SUPT6H: variants seen among roughly 807,000 people sequenced by gnomAD.
The protein encoded by SUPT6H is transcription elongation factor SPT6.
In SUPT6H, 11 loss-of-function variants were observed where a neutral mutation model predicts 222.3. The observed-to-expected ratio is 0.05, with a 90% CI of 0.03 to 0.08. The LOEUF (loss-of-function observed/expected upper bound fraction) is 0.08, where lower values mean the gene tolerates loss of function less well. SUPT6H is among the 10% of genes least tolerant of loss of function. The pLI is 1.00. For missense variants in SUPT6H, 1,422 were observed against 2,216.0 expected (o/e 0.64, Z 7.19); for synonymous variants, 762 against 801.2 (o/e 0.95, Z 0.83).
In SUPT6H at chr17:28,678,904, T is replaced by C; in HGVS notation, c.1290T>C (p.Ala430=). 1.2e-6 allele frequency: 2 copies of C among 1,614,230 alleles called. No individual in the cohort carries two copies. The highest frequency in any genetic ancestry group is 8.5e-7 in the Non-Finnish European group (1 of 1,180,040). The change falls in exon 11 of 37, where the codon GCT becomes GCC. Residue 430 remains alanine (A), a synonymous_variant. Transcript: ENST00000314616. ...MQAYQYEQIS[A]DPDKPLADGI... is the part of the protein sequence containing the mutation. ...CTTATCAGTATGAACAGATCTCTGC[T>C]GACCCTGACAAACCTCTTGCTGATG...
In SUPT6H at chr17:28,667,394, AGT is replaced by A. The variant is rs1276806457; in HGVS notation, c.-32+5063_-32+5064del. The stretch of plus-strand genomic sequence containing the variant: ...TCAAAAAAAAAAAAAAAAAAAAAAA[AGT>A]GTGTGTGTGTATATATATATATATA... On this transcript the variant is annotated intron_variant, in intron 1 of 36. Coordinates refer to ENST00000314616, the MANE Select transcript of SUPT6H (RefSeq NM_003170.5). Among the ~76,000 whole-genome samples the A allele has an allele frequency of 2.8e-3, 169 of 59,304 alleles. 2 individuals are homozygous for A. The highest frequency in any genetic ancestry group is 0.013 in the Middle Eastern group (1 of 78). 38.9% of individuals were successfully genotyped at this position (59,304 alleles called of 152,430 possible). A position where few individuals can be genotyped will look rare whatever the true frequency, so the allele number is the denominator to read the frequency against.
rs546860900 is a variant in SUPT6H at position 28,679,680 on chromosome 17, G to A, written c.1349+717G>A. ...CAGGCATGAGCCACTGCGCCCGGCC[G>A]ATCCTGTCTCATAAGAAAAAGGGGG... is the stretch of plus-strand genomic sequence containing the variant. On this transcript the variant is annotated intron_variant, in intron 11 of 36. Coordinates refer to ENST00000314616, the MANE Select transcript of SUPT6H (RefSeq NM_003170.5). Among the ~76,000 whole-genome samples the A allele has an allele frequency of 9.2e-5, 14 of 151,592 alleles. No homozygotes were observed. The South Asian group carries it at 2.5e-3, about 27-fold the overall frequency.
At chr17:28,667,079 C>A (rs1296605422) in intron 1 of SUPT6H, among the ~76,000 whole-genome samples, 2 of 151,604 alleles carry the variant, frequency 1.3e-5, no homozygotes, top group African/African-American at 4.8e-5. Context: ...TAGTCCTAGT[C>A]CCTTGCCCAT....
intron 27 of SUPT6H, among the ~76,000 whole-genome samples, chr17:28,692,344 G>GGGGCCA (rs2031702796): frequency 7.1e-6 from 1 of 141,198 alleles, no homozygotes; most frequent in Admixed American, 7.1e-5. Context: ...AAAGTGGGGA[G>GGGGCCA]GGGCCAGGCC....
chr17:28,684,591 T>C lies in SUPT6H; in HGVS notation c.2235T>C (p.Cys745=). ...TGTTGTGTCTCTTCCCTCAGGCCTGTAGTCGAAAGCTCTACAATTGGTTGA... is the reference window on the plus strand; with the variant it reads ...TGTTGTGTCTCTTCCCTCAGGCCTGCAGTCGAAAGCTCTACAATTGGTTGA... ...AEAKEYVIKA[C]SRKLYNWLRV... The change falls in exon 18 of 37, where the codon TGT becomes TGC. Residue 745 remains cysteine (C), a synonymous_variant. Transcript: ENST00000314616. The C allele has an allele frequency of 1.2e-6, 2 of 1,613,204 alleles. No homozygotes were observed. Among genetic ancestry groups the C allele is most frequent in the Non-Finnish European group, 1.7e-6 (2 of 1,179,506 alleles).
chr17:28,693,227 G>A (rs527240525), intron 27 of SUPT6H, among the ~76,000 whole-genome samples: 2 of 152,078 alleles, frequency 1.3e-5, no homozygotes, highest in East Asian at 1.9e-4. Context: ...TTGGGAGGCC[G>A]AGGTGGGCAG....
rs1457996286 is a variant in SUPT6H at position 28,701,540 on chromosome 17, G to A, written c.5096G>A (p.Arg1699Gln). 4.3e-6 allele frequency: 7 copies of A among 1,613,956 alleles called. No homozygotes were observed. Among genetic ancestry groups the A allele is most frequent in the African/African-American group, 2.7e-5 (2 of 74,904 alleles). ...RRKQKQRLTP[R>Q]PSPSPMIEST... ...AAACAGAAGCAGCGGCTGACACCTC[G>A]GCCCTCCCCCAGCCCCATGATCGAA... The change falls in exon 37 of 37, where the codon CGG (arginine) becomes CAG (glutamine). Residue 1699 changes from arginine (R) to glutamine (Q), a missense_variant. Physicochemically the swap from Arg to Gln is conservative, Grantham distance 43. This residue lies in a region of SUPT6H where 395 missense variants were observed against 580.6 expected (regional missense o/e 0.68). Coordinates refer to ENST00000314616, the MANE Select transcript of SUPT6H (RefSeq NM_003170.5).
At position 28,683,763 on chromosome 17, in the gene SUPT6H, G is replaced by T. The variant is rs935502709; in HGVS notation, c.2176G>T (p.Ala726Ser). ...ACAGCAGTTCCTCTATGTGCAGATG[G>T]CCAAAGAACTCAAGAACAAGCTGCT... ...ALQQFLYVQM[A>S]KELKNKLLAE... is the part of the protein sequence containing the mutation. Residue 726 changes from alanine (A) to serine (S), a missense_variant, in exon 17 of 37, where the codon GCC (alanine) becomes TCC (serine). By Grantham distance (99) the Ala-to-Ser change is moderately conservative. Around this residue, in one of 13 missense-constraint regions of SUPT6H, gnomAD observed 294 missense variants for 382.1 expected, o/e 0.77. Coordinates refer to ENST00000314616, the MANE Select transcript of SUPT6H (RefSeq NM_003170.5). The T allele has an allele frequency of 1.1e-5, 18 of 1,614,012 alleles. No individual in the cohort carries two copies. Among genetic ancestry groups the T allele is most frequent in the Middle Eastern group, 3.3e-4 (2 of 6,052 alleles).
Position 28,688,268 on chromosome 17 carries a change from GT to G in SUPT6H, c.3134+54del. ...CAGGAGGAATTCCCTTGTGGGCTTT[GT>G]TTTCGGGTTTCAGGGGTTAGGGCTA... On this transcript the variant is annotated intron_variant, in intron 24 of 36. Coordinates refer to ENST00000314616, the MANE Select transcript of SUPT6H (RefSeq NM_003170.5). The surrounding 1 kb of genome is among the most constrained non-coding windows in gnomAD (Gnocchi z 4.3). 6.3e-7 allele frequency: 1 copy of G among 1,585,448 alleles called. No homozygotes were observed. Among genetic ancestry groups the G allele is most frequent in the Non-Finnish European group, 8.6e-7 (1 of 1,164,940 alleles).
At chr17:28,697,145 G>T (rs1597720607) in intron 30 of SUPT6H, 63 bp downstream of exon 30, 1 of 1,475,094 alleles carries the variant, frequency 6.8e-7, no homozygotes, top group East Asian at 2.3e-5. Flanking sequence ...GCCCTTCAGG[G>T]TGCTTTCACC....
At chr17:28,692,660 A>G (rs1248572607) in intron 27 of SUPT6H, among the ~76,000 whole-genome samples, 1 of 147,826 alleles carries the variant, frequency 6.8e-6, no homozygotes, top group Non-Finnish European at 1.5e-5. Flanking sequence ...CCAGGAGTTC[A>G]AGACCAACCT....
chr17:28,701,429 C>T lies in SUPT6H; in HGVS notation c.4995-10C>T. 6.2e-7 allele frequency: 1 copy of T among 1,610,318 alleles called. No homozygotes were observed. The stretch of plus-strand genomic sequence containing the variant: ...CAAAGTCCCAATCTCAACTTTTCTT[C>T]CCCTCCCAGGTCCAACAGCCATGCA... On this transcript the variant is annotated splice_polypyrimidine_tract_variant and intron_variant, in intron 36 of 36. Coordinates refer to ENST00000314616, the MANE Select transcript of SUPT6H (RefSeq NM_003170.5).
intron 1 of SUPT6H, among the ~76,000 whole-genome samples, chr17:28,665,624 G>A (rs546328724): frequency 4.6e-5 from 7 of 152,130 alleles, no homozygotes; most frequent in Admixed American, 6.5e-5. Context: ...TTAGCTGGAC[G>A]TGGTGGTGGG....
chr17:28,671,602 C>G (rs961544077), intron 1 of SUPT6H, among the ~76,000 whole-genome samples: 1 of 152,182 alleles, frequency 6.6e-6, no homozygotes, highest in Non-Finnish European at 1.5e-5. Flanking sequence ...CAAGGCCCAT[C>G]AAGCTCCATG....
At chr17:28,677,397 C>G (rs1372440608) in intron 7 of SUPT6H, among the ~76,000 whole-genome samples, 2 of 150,562 alleles carry the variant, frequency 1.3e-5, no homozygotes, top group African/African-American at 4.9e-5. Context: ...AAAAAAAAAT[C>G]AGCTGGGCGT....
At chr17:28,698,471 G>C (rs997126328) in intron 32 of SUPT6H, among the ~76,000 whole-genome samples, 2 of 152,218 alleles carry the variant, frequency 1.3e-5, no homozygotes, top group South Asian at 4.1e-4. Context: ...CTCCTGTTCT[G>C]CTCTGTCTCC....
intron 32 of SUPT6H, among the ~76,000 whole-genome samples, 171 bp downstream of exon 32, chr17:28,698,201 G>A (rs901274840): frequency 6.6e-6 from 1 of 152,150 alleles, no homozygotes; most frequent in African/African-American, 2.4e-5. Context: ...ATGATTTCAA[G>A]GCAAAAAGGC....
At chr17:28,667,395 G>C (rs866439917) in intron 1 of SUPT6H, among the ~76,000 whole-genome samples, 44 of 50,696 alleles carry the variant, frequency 8.7e-4, no homozygotes, top group African/African-American at 3.9e-3. Flanking sequence ...AAAAAAAAAA[G>C]TGTGTGTGTG....
chr17:28,682,077 G>T (rs1325991316), intron 13 of SUPT6H, 97 bp downstream of exon 13: 2 of 968,410 alleles, frequency 2.1e-6, no homozygotes, highest in Middle Eastern at 2.9e-4. Context: ...AAGGCTATCT[G>T]GGTCAATCAC....
Sources: gnomAD v4.1 joint callset for allele counts (sites outside exome capture counted in the v4.1 genomes callset) on GRCh38, gnomAD v4.1.1 for gene constraint, gnomAD v4.1.1 regional missense constraint, Gnocchi (gnomAD v3.1) non-coding constraint, MANE v1.5 for transcripts, NCBI Gene and HGNC (gene_info 2026-07-23, HGNC 2026-07-21) for gene names.